ROBO1: variants seen among roughly 807,000 people sequenced by gnomAD.
ROBO1 encodes roundabout homolog 1.
Under a neutral mutation model 195.9 loss-of-function variants are expected in ROBO1, and 149 were observed. The ratio of observed to expected loss-of-function variants is 0.76; its 90% CI spans 0.67 to 0.87. ROBO1 has a LOEUF of 0.87. ROBO1 is among the 40% of genes least tolerant of loss of function. The pLI, the probability that ROBO1 is intolerant of heterozygous loss-of-function variation, is 0.00. For missense variants in ROBO1, 1,933 were observed against 2,068.3 expected (o/e 0.93, Z 1.27); for synonymous variants, 816 against 733.2 (o/e 1.11, Z -1.82).
intron 4 of ROBO1, among the ~76,000 whole-genome samples, chr3:78,812,265 C>T (rs1435971383): frequency 1.3e-5 from 2 of 152,124 alleles, no homozygotes; most frequent in Non-Finnish European, 2.9e-5. Flanking sequence ...CAAACTGTGG[C>T]CTTCAAGACT....
intron 3 of ROBO1, among the ~76,000 whole-genome samples, chr3:79,094,854 TCCTC>T (rs1559654464): frequency 8.0e-5 from 12 of 149,674 alleles, no homozygotes; most frequent in Non-Finnish European, 6.0e-5. Context: ...AAGTCTCTCT[TCCTC>T]CCTCCCTCCC....
At chr3:78,641,524 T>G (rs1017563143) in intron 21 of ROBO1, among the ~76,000 whole-genome samples, 1 of 152,212 alleles carries the variant, frequency 6.6e-6, no homozygotes, top group Non-Finnish European at 1.5e-5. Flanking sequence ...TAAATGCAAA[T>G]TATAACACAG....
chr3:79,579,565 G>A (rs1943595348), intron 2 of ROBO1, among the ~76,000 whole-genome samples: 2 of 152,164 alleles, frequency 1.3e-5, no homozygotes, highest in African/African-American at 2.4e-5. Flanking sequence ...GTATTACATG[G>A]AAGTATCCTT....
intron 2 of ROBO1, among the ~76,000 whole-genome samples, chr3:79,464,835 C>T (rs561437462): frequency 1.3e-5 from 2 of 152,166 alleles, no homozygotes; most frequent in East Asian, 3.9e-4. Context: ...TTTACACAAG[C>T]GGGCATTAAT....
intron 2 of ROBO1, among the ~76,000 whole-genome samples, chr3:79,332,253 A>G (rs953119082): frequency 2.1e-4 from 32 of 152,174 alleles, no homozygotes; most frequent in African/African-American, 7.5e-4. Context: ...CATATTTAAA[A>G]ACACAAGAAG....
chr3:79,160,093 A>C (rs996794409), intron 2 of ROBO1, among the ~76,000 whole-genome samples: 41 of 152,154 alleles, frequency 2.7e-4, no homozygotes, highest in Admixed American at 2.0e-4. Context: ...ACTTGAGTTG[A>C]AATCAGTTTA....
intron 2 of ROBO1, among the ~76,000 whole-genome samples, chr3:79,508,480 T>C (rs1213249973): frequency 6.6e-6 from 1 of 152,144 alleles, no homozygotes; most frequent in African/African-American, 2.4e-5. Context: ...ATGGCAGACC[T>C]AGCAAACTAA....
intron 1 of ROBO1, among the ~76,000 whole-genome samples, chr3:79,656,647 C>A (rs1409068338): frequency 6.6e-6 from 1 of 151,858 alleles, no homozygotes; most frequent in Non-Finnish European, 1.5e-5. Context: ...ATAATCCCAG[C>A]ACTTTGGGAG....
At chr3:79,392,315 G>A (rs1383934172) in intron 2 of ROBO1, among the ~76,000 whole-genome samples, 1 of 152,180 alleles carries the variant, frequency 6.6e-6, no homozygotes, top group Non-Finnish European at 1.5e-5. Flanking sequence ...TTTATTTGAA[G>A]ATTAAAGCTT....
At chr3:79,375,978 A>G (rs1358622787) in intron 2 of ROBO1, among the ~76,000 whole-genome samples, 2 of 152,182 alleles carry the variant, frequency 1.3e-5, no homozygotes, top group East Asian at 3.9e-4. Context: ...AGGCCAGGTG[A>G]TATCCACAGG....
At chr3:79,487,344 A>T (rs1939216125) in intron 2 of ROBO1, among the ~76,000 whole-genome samples, 1 of 81,232 alleles carries the variant, frequency 1.2e-5, no homozygotes, top group Non-Finnish European at 2.3e-5. Flanking sequence ...ATAGATAATG[A>T]CCACAGTACT....
At chr3:78,959,350 T>C (rs574478770) in intron 3 of ROBO1, among the ~76,000 whole-genome samples, 9 of 152,310 alleles carry the variant, frequency 5.9e-5, no homozygotes, top group African/African-American at 2.2e-4. Context: ...AAGAGTAGAA[T>C]AGTCTACCTA....
intron 10 of ROBO1, among the ~76,000 whole-genome samples, chr3:78,678,094 A>C (rs1465786221): frequency 4.6e-5 from 7 of 152,212 alleles, no homozygotes; most frequent in Non-Finnish European, 5.9e-5. Context: ...TAACGAAATG[A>C]AGGCAGACAT....
At chr3:79,357,085 G>A (rs1419039539) in intron 2 of ROBO1, among the ~76,000 whole-genome samples, 1 of 152,042 alleles carries the variant, frequency 6.6e-6, no homozygotes, top group Non-Finnish European at 1.5e-5. Context: ...GCTTCTGGAG[G>A]AGTTTATCTT....
At chr3:78,879,719 C>T (rs1012918020) in intron 4 of ROBO1, among the ~76,000 whole-genome samples, 2 of 151,998 alleles carry the variant, frequency 1.3e-5, no homozygotes, top group African/African-American at 4.8e-5. Context: ...CGTTAACTAA[C>T]CCCACAGAAT....
chr3:79,504,879 G>T (rs370328950), intron 2 of ROBO1, among the ~76,000 whole-genome samples: 1 of 152,080 alleles, frequency 6.6e-6, no homozygotes, highest in East Asian at 1.9e-4. Flanking sequence ...GTGTGTGTGT[G>T]TATGTATGCG....
intron 2 of ROBO1, among the ~76,000 whole-genome samples, chr3:79,348,565 A>G (rs1022833323): frequency 6.6e-6 from 1 of 152,208 alleles, no homozygotes; most frequent in Non-Finnish European, 1.5e-5. Context: ...GAAGACAAAG[A>G]AACAAATTCT....
chr3:78,819,743 C>T (rs561193424), intron 4 of ROBO1, among the ~76,000 whole-genome samples: 3 of 152,176 alleles, frequency 2.0e-5, no homozygotes, highest in East Asian at 1.9e-4. Context: ...TTCTTAGGCC[C>T]GTCTTGATTA....
intron 3 of ROBO1, among the ~76,000 whole-genome samples, chr3:79,097,259 G>A (rs902257039): frequency 6.6e-6 from 1 of 151,754 alleles, no homozygotes; most frequent in African/African-American, 2.4e-5. Context: ...CTAAATTACT[G>A]ATTTACTTTT....
Sources: gnomAD v4.1 joint callset for allele counts (sites outside exome capture counted in the v4.1 genomes callset) on GRCh38, gnomAD v4.1.1 for gene constraint, MANE v1.5 for transcripts, NCBI Gene and HGNC (gene_info 2026-07-23, HGNC 2026-07-21) for gene names.